IQSEC1: variants seen among roughly 807,000 people sequenced by gnomAD.
IQSEC1 encodes IQ motif and SEC7 domain-containing protein 1.
A neutral mutation model predicts 91.0 loss-of-function variants in IQSEC1; 31 were observed. That is an observed-to-expected ratio of 0.34 (90% CI 0.26 to 0.46). The LOEUF is 0.46. Among genes scored for constraint, IQSEC1 ranks in the 20% least tolerant of loss-of-function variants. The probability of loss-of-function intolerance (pLI) is 1.00; values close to 1 mark genes in which losing one functional copy is unlikely to be tolerated. For missense variants in IQSEC1, 1,388 were observed against 1,575.6 expected (o/e 0.88, Z 2.02); for synonymous variants, 699 against 662.6 (o/e 1.05, Z -0.84).
chr3:13,082,337 T>C (rs1012973726), intron 2 of IQSEC1, among the ~76,000 whole-genome samples: 2 of 152,222 alleles, frequency 1.3e-5, no homozygotes, highest in African/African-American at 4.8e-5. Context: ...ACTCTCTTTT[T>C]ATCCCCGACA....
chr3:13,017,544 A>G (rs1428205356), intron 1 of IQSEC1, among the ~76,000 whole-genome samples: 2 of 152,176 alleles, frequency 1.3e-5, no homozygotes, highest in East Asian at 3.9e-4. Context: ...GAAACCAGTA[A>G]CGCAAAGCCT....
chr3:13,187,161 A>C (rs1052580643), intron 1 of IQSEC1, among the ~76,000 whole-genome samples: 4 of 151,674 alleles, frequency 2.6e-5, no homozygotes, highest in Non-Finnish European at 5.9e-5. Context: ...TACCTCACAA[A>C]CCCCTACTGA....
chr3:12,908,342 C>A lies in IQSEC1; in HGVS notation c.2755+7G>T, dbSNP rs1695209416. The A allele has an allele frequency of 6.2e-7, 1 of 1,610,998 alleles. No homozygotes were observed. Among genetic ancestry groups the A allele is most frequent in the Non-Finnish European group, 8.5e-7 (1 of 1,179,858 alleles). On this transcript the variant is annotated splice_region_variant and intron_variant, in intron 12 of 13. Transcript: ENST00000613206. This position sits in a 1 kb window ranked among gnomAD's most constrained non-coding sequence, Gnocchi z 4.9. The stretch of plus-strand genomic sequence containing the variant: ...GCTAGCAAGGTGGTTCTAGGCCAAG[C>A]TCTTACCGGCTTCCGAGAGGTCCCG...
intron 4 of IQSEC1, among the ~76,000 whole-genome samples, chr3:12,923,381 G>A (rs892283): frequency 4.6e-3 from 701 of 152,222 alleles, no homozygotes; most frequent in Middle Eastern, 6.8e-3. Context: ...CTTTCCTCAC[G>A]CCTGCTTCAA....
At chr3:13,262,295 T>C (rs1243492452) in intron 1 of IQSEC1, among the ~76,000 whole-genome samples, 8 of 152,132 alleles carry the variant, frequency 5.3e-5, no homozygotes, top group Admixed American at 1.3e-4. Context: ...AATAAATACA[T>C]AAATACATAA....
At chr3:13,130,341 CAAA>C (rs58162524) in intron 2 of IQSEC1, among the ~76,000 whole-genome samples, 1,288 of 61,854 alleles carry the variant, frequency 0.021, 14 homozygotes, top group African/African-American at 0.052. Flanking sequence ...GAGACTCTGT[CAAA>C]AAAAAAAAAA....
chr3:12,976,026 C>T (rs1223106082), intron 1 of IQSEC1, among the ~76,000 whole-genome samples: 1 of 152,262 alleles, frequency 6.6e-6, no homozygotes, highest in Non-Finnish European at 1.5e-5. Context: ...CTCTGAGCCT[C>T]AGTTTCCTCC....
chr3:13,000,218 T>C (rs762519625), intron 1 of IQSEC1, among the ~76,000 whole-genome samples: 1 of 152,226 alleles, frequency 6.6e-6, no homozygotes, highest in Non-Finnish European at 1.5e-5. Flanking sequence ...ACAAATGGCC[T>C]GTAAACATTC....
chr3:12,932,861 G>A (rs1430967160), intron 3 of IQSEC1, among the ~76,000 whole-genome samples: 1 of 152,224 alleles, frequency 6.6e-6, no homozygotes, highest in Admixed American at 6.5e-5. Flanking sequence ...GGAGTAAGCG[G>A]CAGATGCCCA....
At chr3:12,903,346 G>A (rs142420655) in intron 12 of IQSEC1, among the ~76,000 whole-genome samples, 2 of 151,834 alleles carry the variant, frequency 1.3e-5, no homozygotes, top group African/African-American at 2.4e-5. Context: ...GGGTGAAGAG[G>A]AAACAACTTC....
chr3:13,251,198 C>T (rs972787263), intron 1 of IQSEC1, among the ~76,000 whole-genome samples: 2 of 152,220 alleles, frequency 1.3e-5, no homozygotes, highest in African/African-American at 4.8e-5. Flanking sequence ...CACTTGCCCA[C>T]TTCCTTTAGG....
In IQSEC1 at chr3:12,908,540, G is replaced by T. The variant is rs1681396303; in HGVS notation, c.2579-15C>A. ...CTCGAGCTCCGCTGGAACAGAGAGG[G>T]TGAGGGTCCTGGTGAGAGGAGCACA... On this transcript the variant is annotated splice_polypyrimidine_tract_variant and intron_variant, in intron 11 of 13. Coordinates refer to ENST00000613206, the MANE Select transcript of IQSEC1 (RefSeq NM_001134382.3). This position sits in a 1 kb window ranked among gnomAD's most constrained non-coding sequence, Gnocchi z 4.9. 6.2e-7 allele frequency: 1 copy of T among 1,613,284 alleles called. No individual in the cohort carries two copies. The highest frequency in any genetic ancestry group is 1.1e-5 in the South Asian group (1 of 91,074).
In IQSEC1 at chr3:13,012,964, C is replaced by CTTTTTTTTTTTTTTTTT. The variant is rs35541458; in HGVS notation, c.23+60027_23+60028insAAAAAAAAAAAAAAAAA. Among the ~76,000 whole-genome samples the CTTTTTTTTTTTTTTTTT allele has an allele frequency of 2.2e-4, 21 of 97,542 alleles. 3 individuals are homozygous for CTTTTTTTTTTTTTTTTT. The highest frequency in any genetic ancestry group is 5.2e-4 in the African/African-American group (11 of 21,266). 64.0% of individuals were successfully genotyped at this position (97,542 alleles called of 152,430 possible). On this transcript the variant is annotated intron_variant, in intron 1 of 13. Coordinates refer to ENST00000613206, the MANE Select transcript of IQSEC1 (RefSeq NM_001134382.3). Reference sequence around the variant, plus strand: ...ACAGAAACTCCCATGAAAGTCTGGGCTTTTTTTTTTTTTTTTGAGACAGTC... The same window carrying CTTTTTTTTTTTTTTTTT: ...ACAGAAACTCCCATGAAAGTCTGGGCTTTTTTTTTTTTTTTTTTTTTTTTTTTTTTTTTGAGACAGTC...
chr3:12,918,315 C>G (rs762720137), intron 6 of IQSEC1, among the ~76,000 whole-genome samples: 1 of 152,212 alleles, frequency 6.6e-6, no homozygotes. Context: ...CTCCTGCCAC[C>G]CTGTCATCCA....
rs1693791369 is a variant in IQSEC1 at position 12,897,770 on chromosome 3, G to A, written c.*3213C>T. 6.6e-6 allele frequency: 1 copy of A among 152,040 alleles called. No individual in the cohort carries two copies. Among genetic ancestry groups the A allele is most frequent in the African/African-American group, 2.4e-5 (1 of 41,440 alleles). 9.4% of individuals were successfully genotyped at this position (152,040 alleles called of 1,614,324 possible). On this transcript the variant is annotated 3_prime_UTR_variant, in exon 14 of 14. Transcript: ENST00000613206. ...CACCCAGCATCAGCTGTGAACATCT[G>A]CTGTCTTTTCAGCTCATTAAGAAAA...
At chr3:13,197,339 G>T (rs1694153445) in intron 1 of IQSEC1, among the ~76,000 whole-genome samples, 1 of 152,198 alleles carries the variant, frequency 6.6e-6, no homozygotes, top group Admixed American at 6.5e-5. Flanking sequence ...ATGGCCAGGG[G>T]CGCTGGAGGG....
intron 1 of IQSEC1, among the ~76,000 whole-genome samples, chr3:13,047,851 C>T (rs895729922): frequency 6.6e-6 from 1 of 152,122 alleles, no homozygotes; most frequent in African/African-American, 2.4e-5. Flanking sequence ...GACTTAACCT[C>T]GGGTATGTTT....
chr3:13,280,046 T>G (rs1695760301), intron 1 of IQSEC1, among the ~76,000 whole-genome samples: 1 of 152,220 alleles, frequency 6.6e-6, no homozygotes, highest in Admixed American at 6.5e-5. Flanking sequence ...GTTTCCTCCA[T>G]GCCCATCTTT....
chr3:13,106,826 T>C (rs1706160237), intron 2 of IQSEC1, among the ~76,000 whole-genome samples: 1 of 152,244 alleles, frequency 6.6e-6, no homozygotes, highest in South Asian at 2.1e-4. Context: ...ATCATCTCTT[T>C]GGAGTTTATG....
Sources: gnomAD v4.1 joint callset for allele counts (sites outside exome capture counted in the v4.1 genomes callset) on GRCh38, gnomAD v4.1.1 for gene constraint, Gnocchi (gnomAD v3.1) non-coding constraint, MANE v1.5 for transcripts, NCBI Gene and HGNC (gene_info 2026-07-23, HGNC 2026-07-21) for gene names.